Variants in DYRK4 observed in about 807,000 individuals in gnomAD.
DYRK4 encodes dual specificity tyrosine-phosphorylation-regulated kinase 4.
DYRK4 carries 64 observed loss-of-function variants against 68.3 expected under a neutral mutation model. The observed-to-expected ratio is 0.94, with a 90% CI of 0.77 to 1.15. DYRK4 has a LOEUF of 1.15. Among genes scored for constraint, DYRK4 ranks in the 50% most tolerant of loss-of-function variants. The pLI is 0.00. For synonymous variants in DYRK4, 274 were observed against 289.9 expected, an observed-to-expected ratio of 0.95 and a Z score of 0.56; for missense variants, 740 against 764.7, an observed-to-expected ratio of 0.97 and a Z score of 0.38.
chr12:4,607,438 C>T, intron 12 of DYRK4, 51 bp downstream of exon 12: 1 of 1,581,176 alleles, frequency 6.3e-7, no homozygotes, highest in Non-Finnish European at 8.7e-7. Flanking sequence ...AGACACCTGC[C>T]ATACCTTAAG....
intron 2 of DYRK4, among the ~76,000 whole-genome samples, chr12:4,574,297 T>C (rs888004187): frequency 6.6e-6 from 1 of 152,042 alleles, no homozygotes; most frequent in African/African-American, 2.4e-5. Flanking sequence ...TCTCGTCCTG[T>C]TCATTGTCCC....
intron 13 of DYRK4, 174 bp from the exon 14 acceptor site, chr12:4,612,369 C>T: frequency 1.7e-6 from 1 of 598,046 alleles, no homozygotes. Flanking sequence ...AGATTATTTC[C>T]ATTAGTTGTT....
intron 11 of DYRK4, among the ~76,000 whole-genome samples, chr12:4,606,774 G>T (rs1048920960): frequency 9.2e-5 from 14 of 152,160 alleles, no homozygotes; most frequent in African/African-American, 3.4e-4. Flanking sequence ...CAGGATAATG[G>T]ATGGATTATG....
intron 2 of DYRK4, among the ~76,000 whole-genome samples, chr12:4,577,737 A>ATATT (rs1454747857): frequency 1.4e-4 from 22 of 152,306 alleles, no homozygotes; most frequent in African/African-American, 4.8e-4. Context: ...TATCTTCATG[A>ATATT]TATTTAGTCT....
intron 7 of DYRK4, 32 bp downstream of exon 7, chr12:4,596,317 G>A: frequency 1.2e-6 from 2 of 1,613,366 alleles, no homozygotes; most frequent in Non-Finnish European, 1.7e-6. Flanking sequence ...GGCCACAGAG[G>A]AGGGACTGCG....
At chr12:4,592,812 A>T (rs1944971913) in intron 5 of DYRK4, 190 bp from the exon 6 acceptor site, 1 of 598,354 alleles carries the variant, frequency 1.7e-6, no homozygotes, top group African/African-American at 1.9e-5. Context: ...GTTGAAATAA[A>T]TACAAGACCT....
At chr12:4,589,725 T>C (rs2137359883) in intron 3 of DYRK4, among the ~76,000 whole-genome samples, 1 of 152,336 alleles carries the variant, frequency 6.6e-6, no homozygotes, top group Admixed American at 6.5e-5. Context: ...TATTCATTCA[T>C]CTGTTGATGG....
At chr12:4,607,534 G>T in intron 12 of DYRK4, 147 bp downstream of exon 12, 1 of 862,388 alleles carries the variant, frequency 1.2e-6, no homozygotes. Flanking sequence ...AATGAGCAGG[G>T]GAATCGGATA....
intron 1 of DYRK4, among the ~76,000 whole-genome samples, chr12:4,565,039 CTT>C (rs901722649): frequency 3.9e-5 from 6 of 152,176 alleles, no homozygotes; most frequent in African/African-American, 1.2e-4. Context: ...AATGGCCAAA[CTT>C]TTGGTTTCAG....
chr12:4,610,594 A>T (rs1396867218), intron 13 of DYRK4: 2 of 185,634 alleles, frequency 1.1e-5, no homozygotes, highest in Non-Finnish European at 2.2e-5. Flanking sequence ...CCTGGCCTCA[A>T]ACTGCCTGGC....
At chr12:4,568,937 A>G (rs1944703577) in intron 2 of DYRK4, among the ~76,000 whole-genome samples, 1 of 152,214 alleles carries the variant, frequency 6.6e-6, no homozygotes, top group African/African-American at 2.4e-5. Context: ...CTTCAGCCCA[A>G]AGCATTCAGG....
chr12:4,592,865 A>T, intron 5 of DYRK4, 137 bp from the exon 6 acceptor site: 1 of 904,564 alleles, frequency 1.1e-6, no homozygotes, highest in Admixed American at 2.5e-5. Context: ...GAGATGCCAG[A>T]TGCAGGGTCC....
At chr12:4,572,539 T>A (rs143060197) in intron 2 of DYRK4, among the ~76,000 whole-genome samples, 4,545 of 152,214 alleles carry the variant, frequency 0.03, 228 homozygotes, top group African/African-American at 0.1. Context: ...TCGTGATCCA[T>A]CCGCCTTGGC....
intron 10 of DYRK4, among the ~76,000 whole-genome samples, chr12:4,600,640 T>C (rs1313957480): frequency 8.0e-5 from 12 of 150,576 alleles, no homozygotes; most frequent in Non-Finnish European, 1.2e-4. Flanking sequence ...TACAAGTTTA[T>C]TAATAAAGAA....
chr12:4,584,237 C>T (rs1944871808), intron 2 of DYRK4, among the ~76,000 whole-genome samples: 1 of 152,164 alleles, frequency 6.6e-6, no homozygotes, highest in Non-Finnish European at 1.5e-5. Flanking sequence ...GCTAGGGAGG[C>T]TGGACTGTGT....
intron 4 of DYRK4, 47 bp downstream of exon 4, chr12:4,590,487 G>T (rs1455145353): frequency 1.3e-6 from 2 of 1,528,858 alleles, no homozygotes; most frequent in African/African-American, 2.8e-5. Flanking sequence ...GAAAGACCTG[G>T]TTTTAGTCCA....
At chr12:4,606,404 G>C (rs1052811644) in intron 11 of DYRK4, among the ~76,000 whole-genome samples, 1 of 152,040 alleles carries the variant, frequency 6.6e-6, no homozygotes, top group Non-Finnish European at 1.5e-5. Context: ...ATATAGCCTT[G>C]AGAATGACTA....
chr12:4,602,325 T>A, intron 10 of DYRK4: 1 of 902,272 alleles, frequency 1.1e-6, no homozygotes, highest in Non-Finnish European at 1.8e-6. Context: ...CTTCTTCTAT[T>A]TTCTGTTGCT....
At chr12:4,588,657 G>C (rs1421251783) in intron 2 of DYRK4, among the ~76,000 whole-genome samples, 1 of 152,186 alleles carries the variant, frequency 6.6e-6, no homozygotes, top group Non-Finnish European at 1.5e-5. Flanking sequence ...CTCTAGTTAA[G>C]ATTTTGTTGG....
Sources: allele counts gnomAD v4.1 joint callset (sites outside exome capture counted in the v4.1 genomes callset), GRCh38; gene constraint gnomAD v4.1.1; transcripts MANE v1.5; gene names NCBI Gene and HGNC (gene_info 2026-07-23, HGNC 2026-07-21).